ME1: variants seen among roughly 807,000 people sequenced by gnomAD.
The protein encoded by ME1 is malic enzyme 1, also known as NADP-dependent malic enzyme.
ME1 carries 74 observed loss-of-function variants against 66.4 expected under a neutral mutation model. The observed-to-expected ratio is 1.11, with a 90% confidence interval of 0.92 to 1.35. The LOEUF is 1.35. Among genes scored for constraint, ME1 ranks in the 40% most tolerant of loss-of-function variants. The pLI is 0.00. For missense variants in ME1, 750 were observed against 694.1 expected (o/e 1.08, Z -0.90); for synonymous variants, 251 against 235.6 (o/e 1.07, Z -0.60).
At chr6:83,239,483 T>C (rs1790472264) in intron 8 of ME1, 56 bp downstream of exon 8, 2 of 1,211,744 alleles carry the variant, frequency 1.7e-6, no homozygotes, top group Non-Finnish European at 2.4e-6. Context: ...TAATGAGCAA[T>C]TAACACTAAT....
At chr6:83,251,833 T>C (rs545579295) in intron 7 of ME1, among the ~76,000 whole-genome samples, 1 of 152,214 alleles carries the variant, frequency 6.6e-6, no homozygotes, top group African/African-American at 2.4e-5. Context: ...CTAAGTACAA[T>C]GAAAATCCAT....
At chr6:83,265,160 C>A (rs980691940) in intron 6 of ME1, among the ~76,000 whole-genome samples, 7 of 152,212 alleles carry the variant, frequency 4.6e-5, no homozygotes, top group Admixed American at 2.0e-4. Context: ...TTATGACTCT[C>A]TGAAGGCTCA....
chr6:83,345,552 C>T (rs1472504476), intron 5 of ME1, among the ~76,000 whole-genome samples: 3 of 152,056 alleles, frequency 2.0e-5, no homozygotes, highest in Non-Finnish European at 2.9e-5. Flanking sequence ...CTGTTTGGGA[C>T]CTAGGTCTGA....
chr6:83,353,575 T>C (rs1768838380), intron 3 of ME1, among the ~76,000 whole-genome samples: 1 of 152,032 alleles, frequency 6.6e-6, no homozygotes, highest in Non-Finnish European at 1.5e-5. Flanking sequence ...GTGTGTGTGG[T>C]TTTGTTTTTG....
At chr6:83,426,844 A>G (rs1273350297) in intron 1 of ME1, among the ~76,000 whole-genome samples, 4 of 152,198 alleles carry the variant, frequency 2.6e-5, no homozygotes, top group Non-Finnish European at 4.4e-5. Flanking sequence ...TCATGTTATT[A>G]TTTACTCTTA....
chr6:83,305,311 A>G (rs1422881245), intron 6 of ME1, among the ~76,000 whole-genome samples: 1 of 152,174 alleles, frequency 6.6e-6, no homozygotes, highest in Non-Finnish European at 1.5e-5. Context: ...AAGCATAAAC[A>G]TAATAAATGA....
At chr6:83,237,280 G>GAAAGAGAAAGAAAGA (rs1562455285) in intron 9 of ME1, among the ~76,000 whole-genome samples, 4 of 21,618 alleles carry the variant, frequency 1.9e-4, no homozygotes, top group African/African-American at 4.2e-4. Flanking sequence ...AGAAAGAAAG[G>GAAAGAGAAAGAAAGA]AAGGAAGGAA....
At chr6:83,292,534 C>T (rs1033521724) in intron 6 of ME1, among the ~76,000 whole-genome samples, 80 of 152,292 alleles carry the variant, frequency 5.3e-4, no homozygotes, top group African/African-American at 1.9e-3. Context: ...AGGTGTCTGT[C>T]AGCCCCTACT....
At chr6:83,311,457 T>C (rs1354149358) in intron 6 of ME1, among the ~76,000 whole-genome samples, 1 of 152,052 alleles carries the variant, frequency 6.6e-6, no homozygotes, top group Non-Finnish European at 1.5e-5. Context: ...TAATGGCTGA[T>C]ACTAATATGA....
intron 6 of ME1, among the ~76,000 whole-genome samples, chr6:83,310,473 C>T (rs565334367): frequency 2.6e-5 from 4 of 152,192 alleles, no homozygotes; most frequent in South Asian, 2.1e-4. Context: ...ACTTCATTTC[C>T]GAATGTGCCT....
At chr6:83,308,125 C>A (rs1583371039) in intron 6 of ME1, among the ~76,000 whole-genome samples, 1 of 152,096 alleles carries the variant, frequency 6.6e-6, no homozygotes, top group African/African-American at 2.4e-5. Context: ...AAGATTATTT[C>A]TCTTAAACTT....
At chr6:83,381,188 A>G (rs545901480) in intron 3 of ME1, among the ~76,000 whole-genome samples, 1 of 152,178 alleles carries the variant, frequency 6.6e-6, no homozygotes, top group Admixed American at 6.6e-5. Context: ...CCCCACATTA[A>G]TAATATTTTA....
intron 3 of ME1, among the ~76,000 whole-genome samples, chr6:83,353,012 A>C (rs533010546): frequency 6.6e-6 from 1 of 152,146 alleles, no homozygotes; most frequent in Non-Finnish European, 1.5e-5. Context: ...ATGGTATCAC[A>C]TCCTTTATAG....
intron 2 of ME1, among the ~76,000 whole-genome samples, chr6:83,398,874 C>T (rs973297400): frequency 4.0e-5 from 6 of 150,432 alleles, no homozygotes; most frequent in Admixed American, 6.6e-5. Flanking sequence ...GAGGCAGAGG[C>T]GGGTGGATCA....
intron 6 of ME1, among the ~76,000 whole-genome samples, chr6:83,270,443 A>G (rs540696698): frequency 1.3e-5 from 2 of 152,102 alleles, no homozygotes; most frequent in East Asian, 1.9e-4. Context: ...GACAAATCCT[A>G]TTTAATTATT....
intron 1 of ME1, among the ~76,000 whole-genome samples, chr6:83,428,667 A>G (rs1770419306): frequency 6.6e-6 from 1 of 152,216 alleles, no homozygotes; most frequent in Non-Finnish European, 1.5e-5. Context: ...AAAGTCCCAT[A>G]GCTGTAGTTT....
At chr6:83,327,609 G>A (rs1145904) in intron 5 of ME1, among the ~76,000 whole-genome samples, 48,614 of 151,980 alleles carry the variant, frequency 0.32, 8,144 homozygotes, top group Middle Eastern at 0.49. Context: ...CCTGTCTCCT[G>A]ATAAGATGTT....
chr6:83,225,557 C>T (rs993070404), intron 11 of ME1, among the ~76,000 whole-genome samples: 1 of 151,810 alleles, frequency 6.6e-6, no homozygotes, highest in Non-Finnish European at 1.5e-5. Flanking sequence ...AGTTGTATAA[C>T]AGAAATTCAA....
intron 6 of ME1, among the ~76,000 whole-genome samples, chr6:83,294,162 C>T (rs1020050789): frequency 6.6e-6 from 1 of 152,188 alleles, no homozygotes; most frequent in Non-Finnish European, 1.5e-5. Context: ...GAAATACATG[C>T]ACAATACTTT....
Sources: gnomAD v4.1 joint callset for allele counts (sites outside exome capture counted in the v4.1 genomes callset) on GRCh38, gnomAD v4.1.1 for gene constraint, MANE v1.5 for transcripts, NCBI Gene and HGNC (gene_info 2026-07-23, HGNC 2026-07-21) for gene names.